Variants in IGSF10 observed in about 807,000 individuals in gnomAD.
IGSF10 encodes calvaria mechanical force protein 608.
In IGSF10, 126 loss-of-function variants were observed where a neutral mutation model predicts 128.2. That is an observed-to-expected ratio of 0.98 (90% confidence interval 0.85 to 1.14). The LOEUF is 1.14. Among genes scored for constraint, IGSF10 ranks in the 50% most tolerant of loss-of-function variants. IGSF10 has a pLI of 0.00. For missense variants in IGSF10, 3,295 were observed against 3,149.8 expected (o/e 1.05, Z -1.10); for synonymous variants, 1,185 against 1,146.2 (o/e 1.03, Z -0.68).
chr3:151,437,382 A>T lies in IGSF10; in HGVS notation c.7179T>A (p.Asn2393Lys), dbSNP rs146894591. ...PQSYQYLIAS[N>K]GSFIISKTTR... ...TTGTTTTAGAAATGATAAAAGAACCATTGCTTGCTATCAGATACTGATAAC... is the reference window on the plus strand; with the variant it reads ...TTGTTTTAGAAATGATAAAAGAACCTTTGCTTGCTATCAGATACTGATAAC... The change falls in exon 8 of 8, where the codon AAT becomes AAA. Residue 2393 changes from asparagine to lysine, a missense_variant. By Grantham distance (94) the Asn-to-Lys change is moderately conservative. Transcript: ENST00000282466. 4.3e-6 allele frequency: 7 copies of T among 1,614,090 alleles called. No individual in the cohort carries two copies. In the African/African-American group the frequency reaches 6.7e-5, roughly 15 times the overall value.
the IGSF10 span, among the ~76,000 whole-genome samples, chr3:151,527,508 T>C: frequency 6.6e-6 from 1 of 152,182 alleles, no homozygotes; most frequent in Non-Finnish European, 1.5e-5. Flanking sequence ...TGTATTACCT[T>C]ACATGTTACC....
the IGSF10 span, among the ~76,000 whole-genome samples, chr3:151,472,294 A>G: frequency 1.3e-5 from 2 of 152,202 alleles, no homozygotes; most frequent in African/African-American, 2.4e-5. Context: ...AATAGTTTGC[A>G]TGTTTTCTGG....
At chr3:151,598,203 A>G in the IGSF10 span, among the ~76,000 whole-genome samples, 4 of 151,862 alleles carry the variant, frequency 2.6e-5, no homozygotes, top group Non-Finnish European at 5.9e-5. Context: ...TGGATTGTAT[A>G]CCAGTGTTGG....
the IGSF10 span, among the ~76,000 whole-genome samples, chr3:151,575,127 C>A: frequency 6.6e-6 from 1 of 152,148 alleles, no homozygotes; most frequent in African/African-American, 2.4e-5. Context: ...CTCAGAGGGG[C>A]ACCTGCCTGT....
At chr3:151,582,746 A>T in the IGSF10 span, among the ~76,000 whole-genome samples, 1 of 152,170 alleles carries the variant, frequency 6.6e-6, no homozygotes, top group South Asian at 2.1e-4. Flanking sequence ...ATATATCTTA[A>T]ACAGAATAGG....
At chr3:151,546,791 C>A in the IGSF10 span, among the ~76,000 whole-genome samples, 208 of 151,760 alleles carry the variant, frequency 1.4e-3, no homozygotes, top group East Asian at 0.038. Flanking sequence ...TTTTTTGAGA[C>A]GAAGTTTTTG....
the IGSF10 span, among the ~76,000 whole-genome samples, chr3:151,576,663 G>A: frequency 6.6e-6 from 1 of 152,098 alleles, no homozygotes; most frequent in South Asian, 2.1e-4. Flanking sequence ...AGCACCTCTG[G>A]TCATCCTCAC....
chr3:151,561,603 G>A, the IGSF10 span, among the ~76,000 whole-genome samples: 1 of 151,610 alleles, frequency 6.6e-6, no homozygotes. Flanking sequence ...ATAAAATGTG[G>A]CTTTAAAAAG....
chr3:151,566,414 A>G, the IGSF10 span, among the ~76,000 whole-genome samples: 7 of 152,196 alleles, frequency 4.6e-5, no homozygotes, highest in Non-Finnish European at 1.0e-4. Flanking sequence ...ACCAGTTGGC[A>G]TTGGTTGTGT....
chr3:151,453,682 GT>G lies in IGSF10; in HGVS notation c.416del (p.Asn139ThrfsTer6). On this transcript the variant is annotated frameshift_variant, in exon 5 of 8. Transcript: ENST00000282466. LOFTEE classifies it high-confidence loss of function. ...RSLTRLHMDH[N>X]NIEFINPEVF... ...CCTCTGGGTTTATAAACTCAATATT[GT>G]TGTGGTCCATGTGCAATCGTGTCAA... is the stretch of plus-strand genomic sequence containing the variant. The G allele has an allele frequency of 1.9e-6, 3 of 1,612,994 alleles. No homozygotes were observed. Among genetic ancestry groups the G allele is most frequent in the Non-Finnish European group, 1.7e-6 (2 of 1,179,034 alleles).
At chr3:151,450,567 T>C (rs73162207) in intron 5 of IGSF10, among the ~76,000 whole-genome samples, 268 of 152,012 alleles carry the variant, frequency 1.8e-3, no homozygotes, top group Non-Finnish European at 2.9e-3. Context: ...GCAGAGGAGG[T>C]GGCTGGCAAG....
chr3:151,438,669 C>T (rs954449876), intron 7 of IGSF10, 72 bp from the exon 8 acceptor site: 1 of 1,146,958 alleles, frequency 8.7e-7, no homozygotes, highest in Non-Finnish European at 1.3e-6. Context: ...TCAGGATTGC[C>T]TCCCTCTGCC....
At chr3:151,441,852 G>C (rs1241730355) in intron 7 of IGSF10, among the ~76,000 whole-genome samples, 4 of 152,156 alleles carry the variant, frequency 2.6e-5, no homozygotes, top group Non-Finnish European at 5.9e-5. Flanking sequence ...ACGAGGTCAG[G>C]AGATCAAGAC....
At chr3:151,557,321 C>T in the IGSF10 span, among the ~76,000 whole-genome samples, 1 of 152,082 alleles carries the variant, frequency 6.6e-6, no homozygotes, top group Admixed American at 6.6e-5. Context: ...GAAGAACAGA[C>T]AGTTGTCCAG....
chr3:151,530,570 TAAAG>T, the IGSF10 span, among the ~76,000 whole-genome samples: 2 of 152,226 alleles, frequency 1.3e-5, no homozygotes, highest in South Asian at 2.1e-4. Context: ...TCAACGTTCT[TAAAG>T]AAGAGAATTT....
chr3:151,614,126 A>G, the IGSF10 span, among the ~76,000 whole-genome samples: 2 of 152,218 alleles, frequency 1.3e-5, no homozygotes, highest in East Asian at 3.9e-4. Flanking sequence ...ATGAGATACC[A>G]TCTCACACCA....
the IGSF10 span, among the ~76,000 whole-genome samples, chr3:151,515,182 A>G: frequency 1.3e-5 from 2 of 152,196 alleles, no homozygotes; most frequent in African/African-American, 2.4e-5. Flanking sequence ...TGTTTATTGC[A>G]GCACTATTCA....
Position 151,445,438 on chromosome 3 carries a change from G to T in IGSF10, c.4543C>A (p.Pro1515Thr). ...GCAACCTCTGCTACTAATTGCTGTG[G>T]TTTAGCATTGTGCCTTGAGGATTCG... Reference protein sequence around the residue: ...LHESSRHNAKPQQLVAEVATS... With the variant: ...LHESSRHNAKTQQLVAEVATS... Residue 1515 changes from proline (P) to threonine (T), a missense_variant, in exon 6 of 8, where the codon CCA (proline) becomes ACA (threonine). Transcript: ENST00000282466. 1 of 1,614,212 alleles carries T rather than the reference G, an allele frequency of 6.2e-7. No homozygotes were observed. The highest frequency in any genetic ancestry group is 1.1e-5 in the South Asian group (1 of 91,086).
the IGSF10 span, among the ~76,000 whole-genome samples, chr3:151,537,287 T>C: frequency 1.3e-5 from 2 of 152,172 alleles, no homozygotes; most frequent in African/African-American, 4.8e-5. Context: ...AAGAATCAGC[T>C]TGGGTTACTT....
Sources: allele counts gnomAD v4.1 joint callset (sites outside exome capture counted in the v4.1 genomes callset), GRCh38; gene constraint gnomAD v4.1.1; transcripts MANE v1.5; gene names NCBI Gene and HGNC (gene_info 2026-07-23, HGNC 2026-07-21).